Variants in SAE1 observed in about 807,000 individuals in gnomAD.
The protein encoded by SAE1 is SUMO1 activating enzyme subunit 1, also known as SUMO-activating enzyme subunit 1.
In SAE1, 11 loss-of-function variants were observed where a neutral mutation model predicts 40.6. That is an observed-to-expected ratio of 0.27 (90% CI 0.17 to 0.45). The LOEUF (loss-of-function observed/expected upper bound fraction) is 0.45, where lower values mean the gene tolerates loss of function less well. SAE1 is among the 20% of genes least tolerant of loss of function. The probability of loss-of-function intolerance (pLI) is 1.00; values close to 1 mark genes in which losing one functional copy is unlikely to be tolerated. For missense variants in SAE1, 373 were observed against 427.3 expected (o/e 0.87, Z 1.12); for synonymous variants, 155 against 154.3 (o/e 1.00, Z -0.03).
chr19:47,152,771 G>A (rs945703781), intron 3 of SAE1, 127 bp from the exon 4 acceptor site: 5 of 858,866 alleles, frequency 5.8e-6, no homozygotes, highest in African/African-American at 1.7e-5. Flanking sequence ...CAAAGAACCT[G>A]TTGTACCAGT....
chr19:47,155,391 G>A (rs1303867690), intron 5 of SAE1, among the ~76,000 whole-genome samples, 178 bp downstream of exon 5: 4 of 152,124 alleles, frequency 2.6e-5, no homozygotes, highest in Non-Finnish European at 4.4e-5. Context: ...GGGAATGTGG[G>A]CCCAGTGATT....
intron 5 of SAE1, among the ~76,000 whole-genome samples, chr19:47,160,068 A>G (rs2058349440): frequency 6.6e-6 from 1 of 152,194 alleles, no homozygotes; most frequent in Non-Finnish European, 1.5e-5. Flanking sequence ...CTTCTAGTAT[A>G]TTAATTCTCA....
intron 8 of SAE1, among the ~76,000 whole-genome samples, chr19:47,204,866 C>T (rs1416308911): frequency 6.6e-6 from 1 of 152,084 alleles, no homozygotes; most frequent in Non-Finnish European, 1.5e-5. Flanking sequence ...CCCATGAACA[C>T]ACCAGGAGCC....
At chr19:47,200,317 C>A (rs1394131857) in intron 7 of SAE1, among the ~76,000 whole-genome samples, 2 of 149,578 alleles carry the variant, frequency 1.3e-5, no homozygotes, top group Non-Finnish European at 3.0e-5. Flanking sequence ...ACTGCAGCAT[C>A]AACCTCCTGG....
chr19:47,139,940 T>C (rs1351914825), intron 1 of SAE1, among the ~76,000 whole-genome samples: 16 of 142,684 alleles, frequency 1.1e-4, no homozygotes, highest in Non-Finnish European at 2.2e-4. Flanking sequence ...GTATTTCTTT[T>C]TTTTTTTTTT....
chr19:47,148,614 GTTC>G (rs2058268278), intron 2 of SAE1, among the ~76,000 whole-genome samples: 1 of 150,116 alleles, frequency 6.7e-6, no homozygotes, highest in Non-Finnish European at 1.5e-5. Flanking sequence ...ACCTCTCTGA[GTTC>G]TTTTTTTTTT....
intron 5 of SAE1, among the ~76,000 whole-genome samples, chr19:47,159,266 A>C (rs2058342848): frequency 6.6e-6 from 1 of 152,208 alleles, no homozygotes; most frequent in East Asian, 1.9e-4. Context: ...CTTTCTGAGC[A>C]ATTTGTTGAC....
intron 1 of SAE1, among the ~76,000 whole-genome samples, chr19:47,135,253 C>G (rs1287411180): frequency 6.6e-6 from 1 of 152,120 alleles, no homozygotes; most frequent in Non-Finnish European, 1.5e-5. Context: ...GTTATGCTAT[C>G]AAATACTGTA....
At chr19:47,209,016 C>G in intron 8 of SAE1, 143 bp from the exon 9 acceptor site, 1 of 658,072 alleles carries the variant, frequency 1.5e-6, no homozygotes, top group Non-Finnish European at 2.6e-6. Flanking sequence ...TCAAAATTGT[C>G]TCCAGACATT....
At chr19:47,195,485 A>G (rs1408511500) in intron 6 of SAE1, among the ~76,000 whole-genome samples, 1 of 152,144 alleles carries the variant, frequency 6.6e-6, no homozygotes, top group Non-Finnish European at 1.5e-5. Context: ...CCAAAATTAA[A>G]CATCCATTTA....
intron 6 of SAE1, among the ~76,000 whole-genome samples, chr19:47,175,903 T>C (rs1224273461): frequency 5.9e-5 from 9 of 152,226 alleles, no homozygotes; most frequent in Non-Finnish European, 1.2e-4. Context: ...AATTGTCTTC[T>C]TTTTCCCCAA....
At chr19:47,167,442 A>G (rs1012845046) in intron 5 of SAE1, among the ~76,000 whole-genome samples, 2 of 147,768 alleles carry the variant, frequency 1.4e-5, no homozygotes, top group East Asian at 2.0e-4. Context: ...GAGTTTCGCC[A>G]TGTTAGCCAG....
intron 5 of SAE1, among the ~76,000 whole-genome samples, chr19:47,161,749 T>C (rs34507064): frequency 0.16 from 24,779 of 152,250 alleles, 2,211 homozygotes; most frequent in East Asian, 0.36. Flanking sequence ...ACCACCCTCC[T>C]CAGTTGGGTT....
At chr19:47,144,615 C>T (rs187317651) in intron 2 of SAE1, among the ~76,000 whole-genome samples, 9 of 151,924 alleles carry the variant, frequency 5.9e-5, no homozygotes, top group Non-Finnish European at 1.3e-4. Flanking sequence ...AAGAGAATGG[C>T]GTGAACCTGG....
chr19:47,150,851 T>C (rs1007283361), intron 3 of SAE1, among the ~76,000 whole-genome samples: 7 of 152,206 alleles, frequency 4.6e-5, no homozygotes, highest in African/African-American at 1.2e-4. Flanking sequence ...GTCTGTCTGT[T>C]TCTCACAGTC....
intron 1 of SAE1, among the ~76,000 whole-genome samples, chr19:47,138,803 G>C (rs1323685909): frequency 1.3e-5 from 2 of 151,446 alleles, no homozygotes; most frequent in Admixed American, 6.6e-5. Context: ...GCAACTTAGT[G>C]AGGCCCCATT....
intron 6 of SAE1, among the ~76,000 whole-genome samples, chr19:47,178,869 A>G (rs913800193): frequency 6.6e-6 from 1 of 152,180 alleles, no homozygotes; most frequent in Non-Finnish European, 1.5e-5. Context: ...TAGCTGTTCA[A>G]TATAGTATTT....
At chr19:47,187,530 A>AT (rs946888652) in intron 6 of SAE1, among the ~76,000 whole-genome samples, 1 of 151,674 alleles carries the variant, frequency 6.6e-6, no homozygotes. Flanking sequence ...GTGTCACTTT[A>AT]TTTTTTTTCT....
At chr19:47,164,120 A>G (rs1037779149) in intron 5 of SAE1, among the ~76,000 whole-genome samples, 8 of 152,016 alleles carry the variant, frequency 5.3e-5, no homozygotes, top group African/African-American at 1.9e-4. Flanking sequence ...TTTTTCACTC[A>G]ATAAGCATTC....
Sources: gnomAD v4.1 joint callset for allele counts (sites outside exome capture counted in the v4.1 genomes callset) on GRCh38, gnomAD v4.1.1 for gene constraint, MANE v1.5 for transcripts, NCBI Gene and HGNC (gene_info 2026-07-23, HGNC 2026-07-21) for gene names.